Variants in HTT observed in about 807,000 individuals in gnomAD.
HTT encodes the protein huntington disease protein.
Under a neutral mutation model 362.3 loss-of-function variants are expected in HTT, and 104 were observed. The observed-to-expected ratio is 0.29, with a 90% CI of 0.24 to 0.34. HTT has a LOEUF of 0.34. Among genes scored for constraint, HTT ranks in the 10% least tolerant of loss-of-function variants. HTT has a pLI of 1.00. For missense variants in HTT, 3,301 were observed against 3,928.6 expected (o/e 0.84, Z 4.27); for synonymous variants, 1,577 against 1,548.7 (o/e 1.02, Z -0.43).
chr4:3,179,502 A>G (rs1287262206), intron 35 of HTT, among the ~76,000 whole-genome samples: 3 of 152,032 alleles, frequency 2.0e-5, no homozygotes. Flanking sequence ...CGGAGAGAGT[A>G]TGTGTCACTG....
Position 3,086,769 on chromosome 4 carries a change from A to G in HTT, c.264-170A>G, listed in dbSNP as rs563448776. On this transcript the variant is annotated intron_variant, in intron 1 of 66. Coordinates refer to ENST00000355072, the MANE Select transcript of HTT (RefSeq NM_001388492.1). ...AGCGTAGCTTGACAGCCATTGGTGA[A>G]CTCGTGCCCTGTGCTTCCCTGTCCA... Among the ~76,000 whole-genome samples, 22 of 152,200 alleles carry G rather than the reference A, an allele frequency of 1.4e-4. No homozygotes were observed. The South Asian group carries it at 3.1e-3, about 22-fold the overall frequency.
chr4:3,241,153 C>G lies in HTT; in HGVS notation c.*1094C>G, dbSNP rs1256263114. ...ACCTGCTGCTCCATGGATGCATGCC[C>G]TAAGAGTGTCACTGAGCTGTGTTTT... On this transcript the variant is annotated 3_prime_UTR_variant, in exon 67 of 67. Coordinates refer to ENST00000355072, the MANE Select transcript of HTT (RefSeq NM_001388492.1). The G allele has an allele frequency of 1.3e-5, 2 of 152,360 alleles. No homozygotes were observed. Among genetic ancestry groups the G allele is most frequent in the Non-Finnish European group, 2.9e-5 (2 of 68,158 alleles). 9.4% of individuals were successfully genotyped at this position (152,360 alleles called of 1,614,324 possible).
chr4:3,123,212 T>A (rs894781508), intron 10 of HTT: 2 of 318,382 alleles, frequency 6.3e-6, no homozygotes, highest in Non-Finnish European at 1.1e-5. Flanking sequence ...TCAGCAGACT[T>A]TTTTTGTAAA....
chr4:3,212,448 C>G (rs1211919107), intron 48 of HTT, 116 bp from the exon 49 acceptor site: 1 of 1,328,582 alleles, frequency 7.5e-7, no homozygotes, highest in African/African-American at 1.4e-5. Context: ...AGATGTGCCA[C>G]TGAGGAACAA....
intron 28 of HTT, among the ~76,000 whole-genome samples, chr4:3,158,769 G>T (rs1717293850): frequency 6.6e-6 from 1 of 152,016 alleles, no homozygotes; most frequent in Non-Finnish European, 1.5e-5. Flanking sequence ...TAAGCTGCAT[G>T]GTTCTCATGT....
intron 39 of HTT, chr4:3,188,349 A>C (rs1243267138): frequency 6.0e-6 from 1 of 165,978 alleles, no homozygotes; most frequent in African/African-American, 2.4e-5. Flanking sequence ...GTCTTCCCTC[A>C]TAAATTGTTT....
At chr4:3,156,778 TG>T (rs1717170579) in intron 27 of HTT, among the ~76,000 whole-genome samples, 1 of 152,196 alleles carries the variant, frequency 6.6e-6, no homozygotes, top group East Asian at 1.9e-4. Flanking sequence ...CAGTGGTCCT[TG>T]AATCAGCTGC....
intron 24 of HTT, 73 bp downstream of exon 24, chr4:3,145,301 CTT>C (rs1163103634): frequency 1.5e-5 from 15 of 1,028,862 alleles, no homozygotes; most frequent in African/African-American, 3.2e-5. Flanking sequence ...TTAGGATGCC[CTT>C]TTTCTTTCTT....
intron 48 of HTT, 46 bp downstream of exon 48, chr4:3,212,188 G>A (rs1250868642): frequency 7.1e-7 from 1 of 1,412,478 alleles, no homozygotes; most frequent in Non-Finnish European, 9.8e-7. Context: ...GCATTCCAGG[G>A]CCAGTATAGT....
chr4:3,178,367 A>G lies in HTT; in HGVS notation c.4533A>G (p.Ser1511=). 6.8e-6 allele frequency: 11 copies of G among 1,612,844 alleles called. No homozygotes were observed. The highest frequency in any genetic ancestry group is 9.3e-6 in the Non-Finnish European group (11 of 1,178,774). Residue 1511 remains serine (S), a synonymous_variant, in exon 35 of 67, where the codon TCA becomes TCG. Transcript: ENST00000355072. Reference sequence around the variant, plus strand: ...TACTATCTTATGAACGCTATCATTCAAAACAGATCATTGGAATTCCTAAAA... The same window carrying G: ...TACTATCTTATGAACGCTATCATTCGAAACAGATCATTGGAATTCCTAAAA... The part of the protein sequence containing the change: ...LVLLSYERYH[S]KQIIGIPKII...
chr4:3,231,415 G>A (rs2110297805), intron 60 of HTT, among the ~76,000 whole-genome samples: 1 of 152,298 alleles, frequency 6.6e-6, no homozygotes, highest in African/African-American at 2.4e-5. Flanking sequence ...CAAGGCCAAG[G>A]GTGACCTTGG....
At chr4:3,081,621 C>T (rs1045757829) in intron 1 of HTT, among the ~76,000 whole-genome samples, 8 of 141,924 alleles carry the variant, frequency 5.6e-5, no homozygotes, top group Admixed American at 5.3e-4. Flanking sequence ...TGCAGTGGCG[C>T]GATCTCGGCT....
At chr4:3,211,039 A>G (rs1346278499) in intron 47 of HTT, among the ~76,000 whole-genome samples, 3 of 151,390 alleles carry the variant, frequency 2.0e-5, no homozygotes, top group Admixed American at 6.6e-5. Context: ...AATAGCTGGT[A>G]TTAACAGGCA....
intron 26 of HTT, among the ~76,000 whole-genome samples, chr4:3,149,577 G>A (rs994210251): frequency 2.7e-5 from 4 of 150,090 alleles, no homozygotes; most frequent in African/African-American, 5.0e-5. Context: ...CAAAGTGTTG[G>A]GATTACGGGC....
chr4:3,209,835 C>T lies in HTT; in HGVS notation c.6300C>T (p.Tyr2100=), dbSNP rs770725503. ...LETVSPDKDW[Y]VHLVKSQCWT... ...CATTTTTTTCTTCCCAGGACTGGTA[C>T]GTTCATCTTGTCAAATCCCAGTGTT... Residue 2100 remains tyrosine (Y), a synonymous_variant, in exon 47 of 67, where the codon TAC becomes TAT. Transcript: ENST00000355072. The T allele has an allele frequency of 6.8e-6, 11 of 1,613,796 alleles. No homozygotes were observed. The highest frequency in any genetic ancestry group is 3.3e-5 in the Admixed American group (2 of 59,998).
chr4:3,152,162 G>C (rs982159822), intron 26 of HTT, among the ~76,000 whole-genome samples: 1 of 151,244 alleles, frequency 6.6e-6, no homozygotes, highest in Non-Finnish European at 1.5e-5. Context: ...GGGTTGGCGC[G>C]ATCTCAGCTC....
rs1376819452 is a variant in HTT, at chr4:3,074,746, C to T, written c.-80C>T. On this transcript the variant is annotated 5_prime_UTR_variant, in exon 1 of 67. Transcript: ENST00000355072. ...TGCTTTTACCTGCGGCCCAGAGCCC[C>T]ATTCATTGCCCCGGTGCTGAGCGGC... The T allele has an allele frequency of 2.1e-6, 3 of 1,420,334 alleles. No homozygotes were observed. The Admixed American group carries it at 6.6e-5, about 31-fold the overall frequency. 88.0% of individuals were successfully genotyped at this position (1,420,334 alleles called of 1,614,324 possible).
chr4:3,109,667 A>C (rs1714634581), intron 6 of HTT, among the ~76,000 whole-genome samples: 1 of 151,858 alleles, frequency 6.6e-6, no homozygotes, highest in South Asian at 2.1e-4. Context: ...CTTACGTATT[A>C]TATTTCTTTG....
At position 3,214,065 on chromosome 4, in the gene HTT, G is replaced by A; in HGVS notation, c.6882G>A (p.Val2294=). The A allele has an allele frequency of 6.2e-7, 1 of 1,609,064 alleles. No homozygotes were observed. The highest frequency in any genetic ancestry group is 8.5e-7 in the Non-Finnish European group (1 of 1,177,448). The change falls in exon 50 of 67, where the codon GTG becomes GTA. Residue 2294 remains valine (V), a synonymous_variant. Coordinates refer to ENST00000355072, the MANE Select transcript of HTT (RefSeq NM_001388492.1). Reference sequence around the variant, plus strand: ...TGCAGCTGCCTGGCCTCTGGAGCGTGGTCTCCTCCACAGAGTTTGTGACCC... The same window carrying A: ...TGCAGCTGCCTGGCCTCTGGAGCGTAGTCTCCTCCACAGAGTTTGTGACCC... The part of the protein sequence containing the change: ...LALQLPGLWS[V]VSSTEFVTHA...
Sources: gnomAD v4.1 joint callset for allele counts (sites outside exome capture counted in the v4.1 genomes callset) on GRCh38, gnomAD v4.1.1 for gene constraint, MANE v1.5 for transcripts, NCBI Gene and HGNC (gene_info 2026-07-23, HGNC 2026-07-21) for gene names.